Variants in POP1 observed in about 807,000 individuals in gnomAD.
The protein encoded by POP1 is POP1 ribonuclease P/MRP subunit, also known as ribonucleases P/MRP protein subunit POP1.
Under a neutral mutation model 102.2 loss-of-function variants are expected in POP1, and 75 were observed. The ratio of observed to expected loss-of-function variants is 0.73; its 90% CI spans 0.61 to 0.89. The LOEUF is 0.89. Among genes scored for constraint, POP1 ranks in the 40% least tolerant of loss-of-function variants. The pLI is 0.00. For missense variants in POP1, 1,116 were observed against 1,267.4 expected (o/e 0.88, Z 1.81); for synonymous variants, 436 against 464.1 (o/e 0.94, Z 0.78).
At chr8:98,120,423 G>A (rs560699629) in intron 1 of POP1, among the ~76,000 whole-genome samples, 90 of 152,276 alleles carry the variant, frequency 5.9e-4, no homozygotes, top group Non-Finnish European at 1.1e-3. Context: ...TAAGTGAGTT[G>A]TGTATATGCA....
At chr8:98,129,284 A>G (rs1313123815) in intron 4 of POP1, among the ~76,000 whole-genome samples, 1 of 152,182 alleles carries the variant, frequency 6.6e-6, no homozygotes, top group Non-Finnish European at 1.5e-5. Context: ...TAATTTTTGT[A>G]CAAGTCTAAT....
intron 14 of POP1, among the ~76,000 whole-genome samples, chr8:98,152,938 C>A (rs1178370975): frequency 6.6e-6 from 1 of 152,148 alleles, no homozygotes; most frequent in Admixed American, 6.5e-5. Flanking sequence ...AGGGACAAGG[C>A]AGACAAGTCT....
intron 11 of POP1, 91 bp downstream of exon 11, chr8:98,140,979 G>A (rs1816687796): frequency 1.4e-6 from 2 of 1,473,008 alleles, no homozygotes; most frequent in Middle Eastern, 1.7e-4. Flanking sequence ...CACCTCTCCA[G>A]TAACTTCATC....
intron 2 of POP1, among the ~76,000 whole-genome samples, chr8:98,126,739 A>G (rs867443492): frequency 1.2e-4 from 19 of 152,194 alleles, no homozygotes; most frequent in African/African-American, 4.3e-4. Flanking sequence ...ATGTGCAAAA[A>G]GTTTCATGCA....
At chr8:98,127,926 T>C (rs1816259362) in intron 3 of POP1, among the ~76,000 whole-genome samples, 164 bp downstream of exon 3, 1 of 152,122 alleles carries the variant, frequency 6.6e-6, no homozygotes, top group Admixed American at 6.6e-5. Flanking sequence ...TGGCCAGAGC[T>C]TCCTTGGGCT....
chr8:98,156,347 G>C lies in POP1; in HGVS notation c.2355G>C (p.Arg785Ser). ...GTCAAGAATCGGCAGGGCCTGAGAGGATCACAGACCAGGAGGCCAGTGAAA... is the reference window on the plus strand; with the variant it reads ...GTCAAGAATCGGCAGGGCCTGAGAGCATCACAGACCAGGAGGCCAGTGAAA... ...AGCQESAGPE[R>S]ITDQEASENH... is the part of the protein sequence containing the mutation. The change falls in exon 15 of 16, where the codon AGG (arginine) becomes AGC (serine). Residue 785 changes from arginine (R) to serine (S), a missense_variant. Physicochemically the swap from Arg to Ser is moderately radical, Grantham distance 110. Transcript: ENST00000401707. The C allele has an allele frequency of 1.9e-6, 3 of 1,614,082 alleles. No homozygotes were observed. Among genetic ancestry groups the C allele is most frequent in the Non-Finnish European group, 2.5e-6 (3 of 1,180,020 alleles).
chr8:98,147,878 G>A (rs181998931), intron 12 of POP1, among the ~76,000 whole-genome samples: 9 of 152,296 alleles, frequency 5.9e-5, no homozygotes, highest in Non-Finnish European at 1.2e-4. Context: ...GCTCACTGAT[G>A]TATTTCCAGG....
chr8:98,158,526 T>A lies in POP1; in HGVS notation c.*255T>A. Reference sequence around the variant, plus strand: ...AGCTTTGTATTATGATCTCTTGGTCTGTGTAGTTGTGGCTGAAAATAATGA... The same window carrying A: ...AGCTTTGTATTATGATCTCTTGGTCAGTGTAGTTGTGGCTGAAAATAATGA... On this transcript the variant is annotated 3_prime_UTR_variant, in exon 16 of 16. Transcript: ENST00000401707. 2.3e-6 allele frequency: 1 copy of A among 428,300 alleles called. No homozygotes were observed. Among genetic ancestry groups the A allele is most frequent in the Non-Finnish European group, 4.2e-6 (1 of 237,916 alleles). The allele number at this position is 428,300 out of a possible 1,614,324, so 26.5% of individuals were successfully genotyped here.
chr8:98,136,543 G>A lies in POP1; in HGVS notation c.1073G>A (p.Cys358Tyr), dbSNP rs779659509. 2 of 1,613,900 alleles carry A rather than the reference G, an allele frequency of 1.2e-6. No homozygotes were observed. Among genetic ancestry groups the A allele is most frequent in the African/African-American group, 2.7e-5 (2 of 74,900 alleles). Reference sequence around the variant, plus strand: ...GTGGAACCCATCAAATCAGCTGTCTGCATCGCTGACCCACTTCCAACACCA... The same window carrying A: ...GTGGAACCCATCAAATCAGCTGTCTACATCGCTGACCCACTTCCAACACCA... ...QCVEPIKSAV[C>Y]IADPLPTPSQ... Residue 358 changes from cysteine (C) to tyrosine (Y), a missense_variant, in exon 8 of 16, where the codon TGC becomes TAC. Coordinates refer to ENST00000401707, the MANE Select transcript of POP1 (RefSeq NM_001145860.2).
chr8:98,127,494 A>G, intron 2 of POP1, 101 bp from the exon 3 acceptor site: 1 of 1,403,102 alleles, frequency 7.1e-7, no homozygotes, highest in South Asian at 1.2e-5. Context: ...TGACTATAGG[A>G]TTAAAAACAT....
In POP1 at chr8:98,158,396, A is replaced by G; in HGVS notation, c.*125A>G. On this transcript the variant is annotated 3_prime_UTR_variant, in exon 16 of 16. Coordinates refer to ENST00000401707, the MANE Select transcript of POP1 (RefSeq NM_001145860.2). ...AACTCCCTGGAAACAAGAATAAAAAATTATGTATTATGCAGATGATGAAAT... is the reference window on the plus strand; with the variant it reads ...AACTCCCTGGAAACAAGAATAAAAAGTTATGTATTATGCAGATGATGAAAT... The G allele has an allele frequency of 2.0e-6, 2 of 1,009,664 alleles. No homozygotes were observed. Among genetic ancestry groups the G allele is most frequent in the Non-Finnish European group, 3.0e-6 (2 of 656,356 alleles). 62.5% of individuals were successfully genotyped at this position (1,009,664 alleles called of 1,614,324 possible).
At chr8:98,151,713 A>G (rs62522202) in intron 14 of POP1, among the ~76,000 whole-genome samples, 19,114 of 148,024 alleles carry the variant, frequency 0.13, 1,318 homozygotes, top group Middle Eastern at 0.27. Flanking sequence ...AACCATAACT[A>G]TAGAGACAGG....
chr8:98,151,126 C>G (rs530525605), intron 14 of POP1, among the ~76,000 whole-genome samples: 29 of 152,226 alleles, frequency 1.9e-4, no homozygotes, highest in African/African-American at 6.7e-4. Flanking sequence ...TGCTCTGTTG[C>G]CCAGGCTGTA....
rs1263242917 is a variant in POP1, at chr8:98,156,199, G to A, written c.2207G>A (p.Ser736Asn). 1 of 1,614,020 alleles carries A rather than the reference G, an allele frequency of 6.2e-7. No homozygotes were observed. The highest frequency in any genetic ancestry group is 1.7e-5 in the Admixed American group (1 of 59,998). ...GCTTCATCTCCAAATGGTAAGGAGAGTGACCTAAGAAGATCTGAGGTGCCT... is the reference window on the plus strand; with the variant it reads ...GCTTCATCTCCAAATGGTAAGGAGAATGACCTAAGAAGATCTGAGGTGCCT... ...SVASSPNGKE[S>N]DLRRSEVPCA... Residue 736 changes from serine to asparagine, a missense_variant, in exon 15 of 16, where the codon AGT (serine) becomes AAT (asparagine). Physicochemically the swap from Ser to Asn is conservative, Grantham distance 46. Coordinates refer to ENST00000401707, the MANE Select transcript of POP1 (RefSeq NM_001145860.2).
At chr8:98,140,945 T>C (rs1277812771) in intron 11 of POP1, 57 bp downstream of exon 11, 37 of 1,592,616 alleles carry the variant, frequency 2.3e-5, no homozygotes, top group Non-Finnish European at 3.0e-5. Context: ...TCCAGTCTTA[T>C]TAGAAGAAGA....
chr8:98,125,439 G>A (rs1365237774), intron 2 of POP1, among the ~76,000 whole-genome samples: 2 of 152,066 alleles, frequency 1.3e-5, no homozygotes, highest in Non-Finnish European at 2.9e-5. Context: ...ACCTGCTTCG[G>A]CCTCCCAAAG....
intron 2 of POP1, among the ~76,000 whole-genome samples, chr8:98,125,205 A>T (rs561865431): frequency 0.03 from 1,928 of 65,016 alleles, 21 homozygotes; most frequent in Middle Eastern, 0.15. Flanking sequence ...TTTTTTTTTG[A>T]GGCAGAGTCT....
chr8:98,140,028 T>C (rs1398722430), intron 9 of POP1, 50 bp from the exon 10 acceptor site: 1 of 1,400,802 alleles, frequency 7.1e-7, no homozygotes, highest in Non-Finnish European at 1.0e-6. Flanking sequence ...GACAAAATTA[T>C]GAAGGTGGAT....
Position 98,139,981 on chromosome 8 carries a change from T to C in POP1, c.1363-97T>C, listed in dbSNP as rs1224988171. 3 of 923,884 alleles carry C rather than the reference T, an allele frequency of 3.2e-6. No individual in the cohort carries two copies. The East Asian group carries it at 7.7e-5, about 24-fold the overall frequency. 57.2% of individuals were successfully genotyped at this position (923,884 alleles called of 1,614,324 possible). A position where few individuals can be genotyped will look rare whatever the true frequency, so the allele number is the denominator to read the frequency against. On this transcript the variant is annotated intron_variant, in intron 9 of 15. Coordinates refer to ENST00000401707, the MANE Select transcript of POP1 (RefSeq NM_001145860.2). Reference sequence around the variant, plus strand: ...CCCATAACACATACATTTCCACACATAGAAGAAGAAAGAGTGGGGGCTGAT... The same window carrying C: ...CCCATAACACATACATTTCCACACACAGAAGAAGAAAGAGTGGGGGCTGAT...
Sources: allele counts gnomAD v4.1 joint callset (sites outside exome capture counted in the v4.1 genomes callset), GRCh38; gene constraint gnomAD v4.1.1; transcripts MANE v1.5; gene names NCBI Gene and HGNC (gene_info 2026-07-23, HGNC 2026-07-21).